HOOK1: variants seen among roughly 807,000 people sequenced by gnomAD.
HOOK1 encodes the protein hook microtubule tethering protein 1.
In HOOK1, 60 loss-of-function variants were observed where a neutral mutation model predicts 112.8. That is an observed-to-expected ratio of 0.53 (90% CI 0.43 to 0.66). The LOEUF (loss-of-function observed/expected upper bound fraction) is 0.66. Ranked by LOEUF, HOOK1 falls within the 30% of genes least tolerant of loss-of-function variation. HOOK1 has a pLI of 0.00. For missense variants in HOOK1, 770 were observed against 856.0 expected (o/e 0.90, Z 1.25); for synonymous variants, 294 against 283.8 (o/e 1.04, Z -0.36).
chr1:59,851,721 A>G (rs557352591), intron 12 of HOOK1, among the ~76,000 whole-genome samples: 8 of 151,762 alleles, frequency 5.3e-5, no homozygotes, highest in South Asian at 2.1e-4. Flanking sequence ...AACAGATATC[A>G]TTCTTTAGGT....
In HOOK1 at chr1:59,873,725, CTATATATATATATATATA is replaced by C. The variant is rs58867974; in HGVS notation, c.*783_*800del. The C allele has an allele frequency of 2.7e-4, 15 of 56,224 alleles. No individual in the cohort carries two copies. Among genetic ancestry groups the C allele is most frequent in the Admixed American group, 4.4e-4 (2 of 4,586 alleles). The allele number at this position is 56,224 out of a possible 1,614,324, so 3.5% of individuals were successfully genotyped here. On this transcript the variant is annotated 3_prime_UTR_variant, in exon 22 of 22. Coordinates refer to ENST00000371208, the MANE Select transcript of HOOK1 (RefSeq NM_015888.6). ...AGGTGACTTTCTGATGGAAAGCAAG[CTATATATATATATATATA>C]TATATATATATATATATATATACTT...
chr1:59,825,867 A>C (rs931496307), intron 2 of HOOK1, among the ~76,000 whole-genome samples: 1 of 152,150 alleles, frequency 6.6e-6, no homozygotes, highest in African/African-American at 2.4e-5. Flanking sequence ...TTATGTGTAC[A>C]GTATAGATAG....
At chr1:59,834,660 T>G (rs2098396298) in intron 5 of HOOK1, among the ~76,000 whole-genome samples, 1 of 152,142 alleles carries the variant, frequency 6.6e-6, no homozygotes, top group African/African-American at 2.4e-5. Context: ...AGTAATTTTT[T>G]GTTGTAATCG....
chr1:59,847,410 A>G (rs927669638), intron 10 of HOOK1, among the ~76,000 whole-genome samples: 3 of 151,672 alleles, frequency 2.0e-5, no homozygotes, highest in East Asian at 3.9e-4. Context: ...ATTAGAACCC[A>G]TAAACCCAAA....
At chr1:59,856,440 C>T (rs2098410814) in intron 12 of HOOK1, among the ~76,000 whole-genome samples, 1 of 151,034 alleles carries the variant, frequency 6.6e-6, no homozygotes, top group South Asian at 2.1e-4. Context: ...TCTGTCTACC[C>T]ACTGGCACTC....
chr1:59,860,182 C>T lies in HOOK1; in HGVS notation c.1392-6C>T. The T allele has an allele frequency of 6.3e-7, 1 of 1,578,282 alleles. No individual in the cohort carries two copies. Among genetic ancestry groups the T allele is most frequent in the Non-Finnish European group, 8.6e-7 (1 of 1,166,422 alleles). On this transcript the variant is annotated splice_region_variant and splice_polypyrimidine_tract_variant and intron_variant, in intron 14 of 21. Transcript: ENST00000371208. The stretch of plus-strand genomic sequence containing the variant: ...AATTAAAAAAGATTTTGCTTTGTAA[C>T]ATCAGGGAGGTGTTTATTCGACTGC...
At chr1:59,831,359 G>T (rs562539165) in intron 3 of HOOK1, among the ~76,000 whole-genome samples, 2 of 152,172 alleles carry the variant, frequency 1.3e-5, no homozygotes, top group South Asian at 4.2e-4. Context: ...TGTTTTGTGC[G>T]TGTAGCATGG....
Position 59,873,011 on chromosome 1 carries a change from A to C in HOOK1, c.*46A>C, listed in dbSNP as rs1644083093. 3 of 1,341,496 alleles carry C rather than the reference A, an allele frequency of 2.2e-6. No individual in the cohort carries two copies. The highest frequency in any genetic ancestry group is 2.9e-6 in the Non-Finnish European group (3 of 1,021,558). 83.1% of individuals were successfully genotyped at this position (1,341,496 alleles called of 1,614,324 possible). ...AAACAAAAAAACCACATAAAATAGA[A>C]GTGTCCTTAAAATATTTTGTACCTT... is the stretch of plus-strand genomic sequence containing the variant. On this transcript the variant is annotated 3_prime_UTR_variant, in exon 22 of 22. Transcript: ENST00000371208.
At position 59,846,527 on chromosome 1, in the gene HOOK1, TTTCCTTCC is replaced by T. The variant is rs56170541; in HGVS notation, c.789-464_789-457del. 1.0e-3 allele frequency among the ~76,000 whole-genome samples: 91 copies of T among 87,334 alleles called. 5 individuals are homozygous for T. Among genetic ancestry groups the T allele is most frequent in the Non-Finnish European group, 6.7e-4 (29 of 43,158 alleles). The allele number at this position is 87,334 out of a possible 152,430, so 57.3% of individuals were successfully genotyped here. On this transcript the variant is annotated intron_variant, in intron 9 of 21. Coordinates refer to ENST00000371208, the MANE Select transcript of HOOK1 (RefSeq NM_015888.6). Reference sequence around the variant, plus strand: ...TCCCTCCCTTTCTTCCTTCCTTCCTTTTCCTTCCTTCCTTCCTTCCTTCCTTCCTTCCT... The same window carrying T: ...TCCCTCCCTTTCTTCCTTCCTTCCTTTTCCTTCCTTCCTTCCTTCCTTCCT...
chr1:59,850,827 A>C (rs1559055436), intron 12 of HOOK1, among the ~76,000 whole-genome samples: 1 of 151,566 alleles, frequency 6.6e-6, no homozygotes, highest in Non-Finnish European at 1.5e-5. Context: ...AATGCAAGAT[A>C]GTAATAATAG....
At chr1:59,869,717 C>T (rs1242210978) in intron 20 of HOOK1, among the ~76,000 whole-genome samples, 1 of 152,202 alleles carries the variant, frequency 6.6e-6, no homozygotes, top group Non-Finnish European at 1.5e-5. Context: ...CCCTTGCTAT[C>T]AGTGCTTGTC....
intron 8 of HOOK1, among the ~76,000 whole-genome samples, chr1:59,841,780 G>C (rs971796249): frequency 2.6e-5 from 4 of 152,048 alleles, no homozygotes; most frequent in Non-Finnish European, 4.4e-5. Flanking sequence ...ACAAAATTCT[G>C]CATTTAAAGA....
intron 19 of HOOK1, among the ~76,000 whole-genome samples, chr1:59,867,593 T>C (rs1421807069): frequency 6.6e-6 from 1 of 152,196 alleles, no homozygotes; most frequent in African/African-American, 2.4e-5. Context: ...AATATATTCT[T>C]GACATTTCTG....
chr1:59,823,281 C>G (rs1433548136), intron 2 of HOOK1, among the ~76,000 whole-genome samples: 5 of 152,204 alleles, frequency 3.3e-5, no homozygotes, highest in Non-Finnish European at 7.4e-5. Context: ...GATCCTGCCA[C>G]TGCACTCCAG....
intron 1 of HOOK1, 66 bp from the exon 2 acceptor site, chr1:59,821,792 G>A (rs1378284077): frequency 2.0e-6 from 2 of 994,748 alleles, no homozygotes; most frequent in Non-Finnish European, 2.8e-6. Context: ...ATTTATGTTT[G>A]CATTTTGTAA....
intron 17 of HOOK1, chr1:59,864,941 A>AT: frequency 1.8e-6 from 1 of 567,398 alleles, no homozygotes; most frequent in Non-Finnish European, 3.2e-6. Context: ...AACCTATAAA[A>AT]TATTTTACTT....
intron 15 of HOOK1, among the ~76,000 whole-genome samples, chr1:59,860,992 C>T (rs553065211): frequency 3.5e-4 from 53 of 151,810 alleles, no homozygotes; most frequent in African/African-American, 1.2e-3. Context: ...TGACCAGGCT[C>T]GTCTCAATCT....
chr1:59,858,338 T>G, intron 12 of HOOK1, 90 bp from the exon 13 acceptor site: 1 of 834,678 alleles, frequency 1.2e-6, no homozygotes, highest in Non-Finnish European at 2.0e-6. Flanking sequence ...AAGCAACAAT[T>G]ATTAAACTAG....
At chr1:59,855,622 T>C (rs2098410036) in intron 12 of HOOK1, among the ~76,000 whole-genome samples, 1 of 152,020 alleles carries the variant, frequency 6.6e-6, no homozygotes, top group Non-Finnish European at 1.5e-5. Flanking sequence ...TTTTAAAGAA[T>C]AAGGAAATTT....
Sources: allele counts gnomAD v4.1 joint callset (sites outside exome capture counted in the v4.1 genomes callset), GRCh38; gene constraint gnomAD v4.1.1; transcripts MANE v1.5; gene names NCBI Gene and HGNC (gene_info 2026-07-23, HGNC 2026-07-21).